CACNA1G: variants seen among roughly 807,000 people sequenced by gnomAD.
The protein encoded by CACNA1G is voltage-dependent T-type calcium channel subunit alpha-1G.
In CACNA1G, 67 loss-of-function variants were observed where a neutral mutation model predicts 219.4. That is an observed-to-expected ratio of 0.31 (90% CI 0.25 to 0.37). The LOEUF (loss-of-function observed/expected upper bound fraction) is 0.37, where lower values mean the gene tolerates loss of function less well. Among genes scored for constraint, CACNA1G ranks in the 10% least tolerant of loss-of-function variants. The pLI, the probability that CACNA1G is intolerant of heterozygous loss-of-function variation, is 1.00. For synonymous variants in CACNA1G, 1,296 were observed against 1,345.3 expected, an observed-to-expected ratio of 0.96 and a Z score of 0.80; for missense variants, 2,380 against 3,231.4, an observed-to-expected ratio of 0.74 and a Z score of 6.39.
chr17:50,606,956 C>T lies in CACNA1G; in HGVS notation c.4479C>T (p.Tyr1493=), dbSNP rs372261823. Residue 1493 remains tyrosine, a synonymous_variant, in exon 24 of 38, where the codon TAC becomes TAT. Transcript: ENST00000359106. The stretch of plus-strand genomic sequence containing the variant: ...AGGATGGTTGGGTGGACATCATGTA[C>T]GATGGGCTGGATGCTGTGGGCGTGG... ...ASKDGWVDIM[Y]DGLDAVGVDQ... 4.3e-6 allele frequency: 7 copies of T among 1,613,910 alleles called. No individual in the cohort carries two copies. The highest frequency in any genetic ancestry group is 1.1e-5 in the South Asian group (1 of 91,084).
At chr17:50,604,948 C>T in intron 22 of CACNA1G, among the ~76,000 whole-genome samples, 1 of 152,162 alleles carries the variant, frequency 6.6e-6, no homozygotes, top group East Asian at 1.9e-4. Context: ...ACCCTCCCCT[C>T]CCCGCCCCTC....
At chr17:50,623,458 C>T (rs1389308739) in intron 35 of CACNA1G, among the ~76,000 whole-genome samples, 2 of 151,732 alleles carry the variant, frequency 1.3e-5, no homozygotes, top group Non-Finnish European at 2.9e-5. Flanking sequence ...TGCTCTGGGT[C>T]AGGGCCCCAG....
In CACNA1G at chr17:50,596,230, A is replaced by G. The variant is rs1444710723; in HGVS notation, c.2980-332A>G. Among the ~76,000 whole-genome samples the G allele has an allele frequency of 1.3e-5, 2 of 152,178 alleles. No individual in the cohort carries two copies. Among genetic ancestry groups the G allele is most frequent in the African/African-American group, 4.8e-5 (2 of 41,442 alleles). ...ACTTCACTCAGGTCCCCAGGTCCCC[A>G]GCCCCCTCTGGCCTGTGCCACCTGC... On this transcript the variant is annotated intron_variant, in intron 14 of 37. Coordinates refer to ENST00000359106, the MANE Select transcript of CACNA1G (RefSeq NM_018896.5). The surrounding 1 kb of genome is among the most constrained non-coding windows in gnomAD (Gnocchi z 4.8).
In CACNA1G at chr17:50,578,704, G is replaced by A. The variant is rs1006895735; in HGVS notation, c.2301+140G>A. ...GCCCACCTGGCAGGTAGGAGGGGAG[G>A]TGGGTGATGGAGCAATGCATGGGGA... is the stretch of plus-strand genomic sequence containing the variant. On this transcript the variant is annotated intron_variant, in intron 9 of 37. Transcript: ENST00000359106. This position sits in a 1 kb window ranked among gnomAD's most constrained non-coding sequence, Gnocchi z 4.5. The A allele has an allele frequency of 3.7e-6, 3 of 821,346 alleles. No individual in the cohort carries two copies. The highest frequency in any genetic ancestry group is 3.7e-6 in the Non-Finnish European group (2 of 544,034). 50.9% of individuals were successfully genotyped at this position (821,346 alleles called of 1,614,324 possible).
chr17:50,565,474 C>G (rs1401253276), intron 1 of CACNA1G, among the ~76,000 whole-genome samples: 1 of 152,080 alleles, frequency 6.6e-6, no homozygotes, highest in Non-Finnish European at 1.5e-5. Context: ...GTTGCCGAAT[C>G]CGATAGACAC....
rs1429923788 is a variant in CACNA1G at position 50,603,118 on chromosome 17, T to C, written c.4088T>C (p.Val1363Ala). ...CTCATCTCCGTCATCGACATTCTGG[T>C]GTCCATGGTCTCTGACAGCGGCACC... The part of the protein sequence containing the change: ...LVLISVIDIL[V>A]SMVSDSGTKI... The change falls in exon 21 of 38, where the codon GTG becomes GCG. Residue 1363 changes from valine (V) to alanine (A), a missense_variant. By Grantham distance (64) the Val-to-Ala change is moderately conservative (BLOSUM62 0). Transcript: ENST00000359106. The surrounding 1 kb of genome is among the most constrained non-coding windows in gnomAD (Gnocchi z 6.4). The C allele has an allele frequency of 1.2e-6, 2 of 1,613,264 alleles. No individual in the cohort carries two copies. The highest frequency in any genetic ancestry group is 1.7e-6 in the Non-Finnish European group (2 of 1,179,764).
chr17:50,574,397 A>G (rs2040146924), intron 7 of CACNA1G, among the ~76,000 whole-genome samples: 1 of 152,248 alleles, frequency 6.6e-6, no homozygotes, highest in East Asian at 1.9e-4. Context: ...GGCCCTGAGA[A>G]AGAGCAAGTC....
At chr17:50,591,334 G>A in intron 10 of CACNA1G, 101 bp from the exon 11 acceptor site, 1 of 1,204,394 alleles carries the variant, frequency 8.3e-7, no homozygotes, top group East Asian at 2.6e-5. Context: ...CTCTCGACGT[G>A]CCCACCCAGC....
intron 26 of CACNA1G, among the ~76,000 whole-genome samples, chr17:50,610,490 A>G (rs1294168198): frequency 6.6e-6 from 1 of 152,152 alleles, no homozygotes; most frequent in Non-Finnish European, 1.5e-5. Flanking sequence ...AAAGCCAAAG[A>G]TTTGGGAGTG....
At chr17:50,581,266 T>G (rs1028889982) in intron 9 of CACNA1G, among the ~76,000 whole-genome samples, 2 of 149,162 alleles carry the variant, frequency 1.3e-5, no homozygotes, top group African/African-American at 5.0e-5. Context: ...CAGATGCAAA[T>G]GAGGGCAGAG....
In CACNA1G at chr17:50,561,487, G is replaced by T. The variant is rs768014195; in HGVS notation, c.28G>T (p.Ala10Ser). Residue 10 changes from alanine to serine, a missense_variant, in exon 1 of 38, where the codon GCC (alanine) becomes TCC (serine). This residue lies in a region of CACNA1G where 98 missense variants were observed against 85.5 expected (regional missense o/e 1.15). Coordinates refer to ENST00000359106, the MANE Select transcript of CACNA1G (RefSeq NM_018896.5). ...GGACGAGGAGGAGGATGGAGCGGGC[G>T]CCGAGGAGTCGGGACAGCCCCGGAG... Reference protein sequence around the residue: MDEEEDGAGAEESGQPRSFM... With the variant: MDEEEDGAGSEESGQPRSFM... The T allele has an allele frequency of 3.6e-5, 56 of 1,534,976 alleles. No homozygotes were observed. The highest frequency in any genetic ancestry group is 2.1e-4 in the Middle Eastern group (1 of 4,806).
At position 50,627,002 on chromosome 17, in the gene CACNA1G, T is replaced by G; in HGVS notation, c.*251T>G. On this transcript the variant is annotated 3_prime_UTR_variant, in exon 38 of 38. Coordinates refer to ENST00000359106, the MANE Select transcript of CACNA1G (RefSeq NM_018896.5). ...TGAGGTTCCCGACACCAGAAGCTGTTGGGAGAAAGCAATACGTTTGTGCAG... is the reference window on the plus strand; with the variant it reads ...TGAGGTTCCCGACACCAGAAGCTGTGGGGAGAAAGCAATACGTTTGTGCAG... 1.5e-6 allele frequency: 1 copy of G among 670,804 alleles called. No individual in the cohort carries two copies. The highest frequency in any genetic ancestry group is 2.7e-6 in the Non-Finnish European group (1 of 366,548). The allele number at this position is 670,804 out of a possible 1,614,324, so 41.6% of individuals were successfully genotyped here.
intron 26 of CACNA1G, among the ~76,000 whole-genome samples, chr17:50,614,102 G>A (rs985466297): frequency 2.0e-5 from 3 of 152,206 alleles, no homozygotes; most frequent in African/African-American, 7.2e-5. Flanking sequence ...GAGGCTGGAT[G>A]TGCAATACCT....
chr17:50,583,499 A>G (rs1179847062), intron 9 of CACNA1G, among the ~76,000 whole-genome samples: 3 of 152,158 alleles, frequency 2.0e-5, no homozygotes, highest in South Asian at 2.1e-4. Flanking sequence ...TGGAAAAGTC[A>G]TTCTGTTTCA....
At position 50,626,987 on chromosome 17, in the gene CACNA1G, G is replaced by A. The variant is rs573367499; in HGVS notation, c.*236G>A. ...GAGGCCCGGTGCAGCTGAGGTTCCC[G>A]ACACCAGAAGCTGTTGGGAGAAAGC... On this transcript the variant is annotated 3_prime_UTR_variant, in exon 38 of 38. Transcript: ENST00000359106. The surrounding 1 kb of genome is among the most constrained non-coding windows in gnomAD (Gnocchi z 4.3). 39 of 682,810 alleles carry A rather than the reference G, an allele frequency of 5.7e-5. No individual in the cohort carries two copies. Among genetic ancestry groups the A allele is most frequent in the African/African-American group, 3.9e-4 (22 of 56,962 alleles). 42.3% of individuals were successfully genotyped at this position (682,810 alleles called of 1,614,324 possible).
chr17:50,593,489 C>A (rs892568434), intron 13 of CACNA1G, among the ~76,000 whole-genome samples: 3 of 152,268 alleles, frequency 2.0e-5, no homozygotes, highest in Non-Finnish European at 4.4e-5. Flanking sequence ...CTCCCCAGCA[C>A]TCAGCCCTTT....
Position 50,618,141 on chromosome 17 carries a change from G to C in CACNA1G, c.5305+15G>C, listed in dbSNP as rs764251830. 1 of 1,613,556 alleles carries C rather than the reference G, an allele frequency of 6.2e-7. No homozygotes were observed. Among genetic ancestry groups the C allele is most frequent in the Admixed American group, 1.7e-5 (1 of 59,938 alleles). ...TGGAGACCTGGGTGAGTTGGGGTAGGGGAGGGTGGAGGAGCCAGGGCTGGA... is the reference window on the plus strand; with the variant it reads ...TGGAGACCTGGGTGAGTTGGGGTAGCGGAGGGTGGAGGAGCCAGGGCTGGA... On this transcript the variant is annotated intron_variant, in intron 31 of 37. Transcript: ENST00000359106. The surrounding 1 kb of genome is among the most constrained non-coding windows in gnomAD (Gnocchi z 5.3).
intron 1 of CACNA1G, among the ~76,000 whole-genome samples, chr17:50,564,828 G>A (rs1448919382): frequency 6.6e-6 from 1 of 151,942 alleles, no homozygotes; most frequent in African/African-American, 2.4e-5. Flanking sequence ...GGGGAGAAGG[G>A]CTGGGGCTGG....
At chr17:50,604,085 GC>G in intron 21 of CACNA1G, 69 bp from the exon 22 acceptor site, 1 of 1,507,598 alleles carries the variant, frequency 6.6e-7, no homozygotes, top group Non-Finnish European at 9.0e-7. Flanking sequence ...GGGGTGGGGA[GC>G]AGGGTCAAGG....
Sources: gnomAD v4.1 joint callset for allele counts (sites outside exome capture counted in the v4.1 genomes callset) on GRCh38, gnomAD v4.1.1 for gene constraint, gnomAD v4.1.1 regional missense constraint, Gnocchi (gnomAD v3.1) non-coding constraint, MANE v1.5 for transcripts, NCBI Gene and HGNC (gene_info 2026-07-23, HGNC 2026-07-21) for gene names.